The following GRIN2B variants were observed in gnomAD, a reference collection of about 807,000 sequenced individuals.
GRIN2B encodes glutamate receptor ionotropic, NMDA 2B.
In GRIN2B, 5 loss-of-function variants were observed where a neutral mutation model predicts 114.5. The ratio of observed to expected loss-of-function variants is 0.04; its 90% CI spans 0.02 to 0.09. The LOEUF (loss-of-function observed/expected upper bound fraction) is 0.09, where lower values mean the gene tolerates loss of function less well. Among genes scored for constraint, GRIN2B ranks in the 10% least tolerant of loss-of-function variants. The pLI is 1.00. For synonymous variants in GRIN2B, 787 were observed against 745.1 expected, an observed-to-expected ratio of 1.06 and a Z score of -0.92; for missense variants, 1,108 against 1,943.5, an observed-to-expected ratio of 0.57 and a Z score of 8.08.
At chr12:13,916,004 T>C (rs1866712229) in intron 2 of GRIN2B, among the ~76,000 whole-genome samples, 1 of 152,062 alleles carries the variant, frequency 6.6e-6, no homozygotes, top group Non-Finnish European at 1.5e-5. Flanking sequence ...AAATTGGACC[T>C]ATGCTTGTAA....
intron 3 of GRIN2B, among the ~76,000 whole-genome samples, chr12:13,790,335 C>T (rs904265851): frequency 6.6e-6 from 1 of 152,206 alleles, no homozygotes; most frequent in Non-Finnish European, 1.5e-5. Context: ...GCTCTTCAGA[C>T]TTTCCTGTCC....
At chr12:13,937,928 G>T (rs1867157609) in intron 2 of GRIN2B, among the ~76,000 whole-genome samples, 1 of 151,982 alleles carries the variant, frequency 6.6e-6, no homozygotes, top group African/African-American at 2.4e-5. Flanking sequence ...GGAGGTGATG[G>T]GTAGGAAGTG....
intron 10 of GRIN2B, among the ~76,000 whole-genome samples, chr12:13,583,391 A>T (rs996787085): frequency 2.0e-5 from 3 of 152,224 alleles, no homozygotes; most frequent in Non-Finnish European, 4.4e-5. Context: ...AGGGAAACTA[A>T]TGCACAGACA....
chr12:13,805,680 T>C, intron 3 of GRIN2B, among the ~76,000 whole-genome samples: 1 of 152,216 alleles, frequency 6.6e-6, no homozygotes, highest in Admixed American at 6.5e-5. Context: ...CATTGTGGAA[T>C]GTCTAAATCA....
At chr12:13,748,377 C>T (rs1863425684) in intron 4 of GRIN2B, among the ~76,000 whole-genome samples, 1 of 152,142 alleles carries the variant, frequency 6.6e-6, no homozygotes, top group South Asian at 2.1e-4. Context: ...CAGAAACAGA[C>T]CATCAGAGAT....
At chr12:13,813,985 T>C (rs971409964) in intron 3 of GRIN2B, among the ~76,000 whole-genome samples, 23 of 152,212 alleles carry the variant, frequency 1.5e-4, no homozygotes, top group African/African-American at 5.5e-4. Context: ...CAGATCAACA[T>C]GGGCAATGAC....
At chr12:13,835,771 T>TAAAA (rs1165005583) in intron 3 of GRIN2B, among the ~76,000 whole-genome samples, 478 of 90,978 alleles carry the variant, frequency 5.3e-3, no homozygotes, top group Non-Finnish European at 5.7e-3. Context: ...CATAGCACAT[T>TAAAA]AAAAAAAAAA....
intron 2 of GRIN2B, among the ~76,000 whole-genome samples, chr12:13,917,106 C>A (rs953612696): frequency 2.0e-5 from 3 of 152,072 alleles, no homozygotes; most frequent in Non-Finnish European, 2.9e-5. Context: ...TATTTTCAAG[C>A]CTGTCAGACC....
chr12:13,682,169 A>C (rs1950136664), intron 4 of GRIN2B, among the ~76,000 whole-genome samples: 1 of 152,214 alleles, frequency 6.6e-6, no homozygotes, highest in African/African-American at 2.4e-5. Context: ...CAAAATGATT[A>C]ATCCAGTTTA....
At chr12:13,762,449 G>A (rs1863695924) in intron 3 of GRIN2B, among the ~76,000 whole-genome samples, 1 of 152,204 alleles carries the variant, frequency 6.6e-6, no homozygotes, top group Non-Finnish European at 1.5e-5. Flanking sequence ...GCCAGTGATG[G>A]CACTTGACGT....
chr12:13,579,499 C>G (rs1286925515), intron 10 of GRIN2B, among the ~76,000 whole-genome samples: 1 of 152,164 alleles, frequency 6.6e-6, no homozygotes, highest in African/African-American at 2.4e-5. Context: ...ACCAGTCAAT[C>G]TGGGCAAAGT....
chr12:13,909,773 A>C (rs905829208), intron 2 of GRIN2B, among the ~76,000 whole-genome samples: 14 of 152,242 alleles, frequency 9.2e-5, no homozygotes, highest in Non-Finnish European at 1.5e-4. Context: ...TAGAGAGAAA[A>C]GGGTGCTGTA....
At chr12:13,954,209 G>A (rs1380634701) in intron 2 of GRIN2B, among the ~76,000 whole-genome samples, 1 of 152,088 alleles carries the variant, frequency 6.6e-6, no homozygotes, top group Admixed American at 6.5e-5. Flanking sequence ...AACCCACAAT[G>A]GCATTGATTC....
At chr12:13,781,303 G>T (rs1864108464) in intron 3 of GRIN2B, among the ~76,000 whole-genome samples, 1 of 152,208 alleles carries the variant, frequency 6.6e-6, no homozygotes, top group Non-Finnish European at 1.5e-5. Context: ...GGTTAAATGT[G>T]AAACCAACTT....
At chr12:13,979,264 G>A (rs752574880) in intron 2 of GRIN2B, among the ~76,000 whole-genome samples, 16 of 152,178 alleles carry the variant, frequency 1.1e-4, no homozygotes, top group African/African-American at 3.1e-4. Flanking sequence ...GATTTAAGTC[G>A]TTTAACCTGC....
rs1381799425 is a variant in GRIN2B at position 13,607,231 on chromosome 12, A to T, written c.2010+1372T>A. Reference sequence around the variant, plus strand: ...ATATAAAATATATATAAAATATATAATATATATTATATAAAAAATATATAT... The same window carrying T: ...ATATAAAATATATATAAAATATATATTATATATTATATAAAAAATATATAT... On this transcript the variant is annotated intron_variant, in intron 10 of 13. Coordinates refer to ENST00000609686, the MANE Select transcript of GRIN2B (RefSeq NM_000834.5). Among the ~76,000 whole-genome samples the T allele has an allele frequency of 8.5e-4, 82 of 96,224 alleles. 1 individual carries two copies. In the East Asian group the frequency reaches 0.018, roughly 21 times the overall value. 63.1% of individuals were successfully genotyped at this position (96,224 alleles called of 152,430 possible).
chr12:13,926,930 G>C (rs1275079976), intron 2 of GRIN2B, among the ~76,000 whole-genome samples: 2 of 150,348 alleles, frequency 1.3e-5, no homozygotes, highest in Non-Finnish European at 2.9e-5. Flanking sequence ...TCCAGCCTGG[G>C]GACAGAGCGC....
chr12:13,675,505 C>A (rs1359070051), intron 5 of GRIN2B, among the ~76,000 whole-genome samples: 1 of 152,106 alleles, frequency 6.6e-6, no homozygotes. Flanking sequence ...AAGATTCAGA[C>A]AGCAATGCAA....
chr12:13,902,896 T>A (rs1279243360), intron 2 of GRIN2B, among the ~76,000 whole-genome samples: 1 of 152,216 alleles, frequency 6.6e-6, no homozygotes, highest in Non-Finnish European at 1.5e-5. Context: ...CACACTTTTT[T>A]AGAAAGATTT....
Sources: allele counts gnomAD v4.1 joint callset (sites outside exome capture counted in the v4.1 genomes callset), GRCh38; gene constraint gnomAD v4.1.1; transcripts MANE v1.5; gene names NCBI Gene and HGNC (gene_info 2026-07-23, HGNC 2026-07-21).